COG3: variants seen among roughly 807,000 people sequenced by gnomAD.
The protein encoded by COG3 is component of oligomeric golgi complex 3, also known as conserved oligomeric Golgi complex subunit 3.
COG3 carries 32 observed loss-of-function variants against 114.1 expected under a neutral mutation model. The observed-to-expected ratio is 0.28, with a 90% CI of 0.21 to 0.38. COG3 has a LOEUF of 0.38. Ranked by LOEUF, COG3 falls within the 10% of genes least tolerant of loss-of-function variation. The pLI, the probability that COG3 is intolerant of heterozygous loss-of-function variation, is 1.00. For synonymous variants in COG3, 352 were observed against 365.7 expected, an observed-to-expected ratio of 0.96 and a Z score of 0.43; for missense variants, 813 against 973.2, an observed-to-expected ratio of 0.84 and a Z score of 2.19.
intron 14 of COG3, among the ~76,000 whole-genome samples, chr13:45,503,655 A>G (rs1869796528): frequency 1.3e-5 from 2 of 152,166 alleles, no homozygotes; most frequent in Non-Finnish European, 2.9e-5. Context: ...TATGAAGAGT[A>G]TGAGAGAGCC....
intron 19 of COG3, among the ~76,000 whole-genome samples, chr13:45,521,601 A>G (rs1421075700): frequency 2.5e-4 from 38 of 151,730 alleles, no homozygotes; most frequent in Non-Finnish European, 4.4e-5. Context: ...ACACACACAC[A>G]CGCAACCATT....
intron 8 of COG3, among the ~76,000 whole-genome samples, chr13:45,486,947 A>G (rs192402022): frequency 6.6e-6 from 1 of 152,344 alleles, no homozygotes; most frequent in African/African-American, 2.4e-5. Flanking sequence ...AGATCTTTAT[A>G]CTACAAAGAC....
intron 14 of COG3, among the ~76,000 whole-genome samples, chr13:45,509,164 C>T (rs1042769834): frequency 4.0e-5 from 6 of 151,898 alleles, no homozygotes; most frequent in African/African-American, 7.3e-5. Flanking sequence ...CTCAGCCTCT[C>T]GAGTAGCTGG....
In COG3 at chr13:45,535,562, TGAAG is replaced by T. The variant is rs746442297; in HGVS notation, c.*833_*836del. 6.6e-4 allele frequency: 646 copies of T among 985,546 alleles called. No individual in the cohort carries two copies. The highest frequency in any genetic ancestry group is 1.6e-3 in the Admixed American group (26 of 16,270). The allele number at this position is 985,546 out of a possible 1,614,324, so 61.1% of individuals were successfully genotyped here. A position where few individuals can be genotyped will look rare whatever the true frequency, so the allele number is the denominator to read the frequency against. ...CCTGAGGAGTAGTGTTCCTCCTGAA[TGAAG>T]GTTCAGGTCACCAGCCTTCTGTACA... is the stretch of plus-strand genomic sequence containing the variant. On this transcript the variant is annotated 3_prime_UTR_variant, in exon 23 of 23. Transcript: ENST00000349995.
chr13:45,495,173 A>C (rs1346212404), intron 12 of COG3, among the ~76,000 whole-genome samples: 4 of 124,302 alleles, frequency 3.2e-5, no homozygotes, highest in Non-Finnish European at 6.5e-5. Context: ...TTTTAAATAG[A>C]GATAGGGTCT....
chr13:45,533,421 T>G (rs1432472521), intron 22 of COG3, among the ~76,000 whole-genome samples: 1 of 152,100 alleles, frequency 6.6e-6, no homozygotes, highest in Non-Finnish European at 1.5e-5. Flanking sequence ...TTTGCTTCAT[T>G]TTTCTCATTT....
At position 45,486,562 on chromosome 13, in the gene COG3, C is replaced by T; in HGVS notation, c.911C>T (p.Ala304Val). Residue 304 changes from alanine (A) to valine (V), a missense_variant, in exon 8 of 23, where the codon GCC (alanine) becomes GTC (valine). Coordinates refer to ENST00000349995, the MANE Select transcript of COG3 (RefSeq NM_031431.4). The stretch of plus-strand genomic sequence containing the variant: ...TTTTATGTGAAATTTCGAGCTGCTG[C>T]CCCCAAAGTCAGAGTAAGTCTATTG... ...TLFYVKFRAAAPKVRTLIEQI... is the reference protein window; with the variant it reads ...TLFYVKFRAAVPKVRTLIEQI... The T allele has an allele frequency of 6.2e-7, 1 of 1,601,302 alleles. No homozygotes were observed. Among genetic ancestry groups the T allele is most frequent in the Non-Finnish European group, 8.6e-7 (1 of 1,168,416 alleles).
chr13:45,471,674 C>G (rs1220554312), intron 1 of COG3, among the ~76,000 whole-genome samples: 1 of 150,070 alleles, frequency 6.7e-6, no homozygotes, highest in Non-Finnish European at 1.5e-5. Flanking sequence ...GAAGAATGTC[C>G]TTTAACATTT....
intron 17 of COG3, 42 bp downstream of exon 17, chr13:45,516,305 C>G (rs779883015): frequency 4.6e-6 from 7 of 1,537,626 alleles, no homozygotes; most frequent in South Asian, 1.3e-5. Context: ...TGTGTTTGAT[C>G]TGTCCAGATG....
intron 1 of COG3, chr13:45,465,484 G>C: frequency 2.2e-6 from 1 of 459,544 alleles, no homozygotes. Flanking sequence ...AGCATGGGAC[G>C]GTTGGCCCGG....
chr13:45,522,754 C>T (rs74070443), intron 19 of COG3, among the ~76,000 whole-genome samples: 5,184 of 152,286 alleles, frequency 0.034, 281 homozygotes, highest in African/African-American at 0.11. Context: ...AGTAGAGGCT[C>T]ATATGAAAAC....
intron 20 of COG3, among the ~76,000 whole-genome samples, chr13:45,529,499 A>G (rs566163520): frequency 2.6e-5 from 4 of 152,108 alleles, no homozygotes; most frequent in South Asian, 2.1e-4. Context: ...CTTACCTCCA[A>G]ATTCCAAAGG....
intron 16 of COG3, 35 bp from the exon 17 acceptor site, chr13:45,516,108 T>A: frequency 1.4e-6 from 2 of 1,461,382 alleles, no homozygotes; most frequent in Non-Finnish European, 1.9e-6. Context: ...TGATTTAATA[T>A]GTGATCATAT....
At chr13:45,489,062 C>T (rs1418659921) in intron 8 of COG3, among the ~76,000 whole-genome samples, 2 of 151,244 alleles carry the variant, frequency 1.3e-5, no homozygotes, top group Admixed American at 6.6e-5. Context: ...GTGGTGTGCA[C>T]CTGTGGTCCG....
chr13:45,491,763 GT>G (rs1199245699), intron 10 of COG3, among the ~76,000 whole-genome samples: 6 of 151,960 alleles, frequency 3.9e-5, no homozygotes, highest in African/African-American at 1.4e-4. Context: ...AATAAATATT[GT>G]TCTTGAAAAA....
chr13:45,509,338 G>A (rs1304188582), intron 14 of COG3, among the ~76,000 whole-genome samples: 3 of 152,060 alleles, frequency 2.0e-5, no homozygotes, highest in South Asian at 2.1e-4. Context: ...GTGCCCAGAC[G>A]ATCTGCCTCC....
Position 45,516,420 on chromosome 13 carries a change from C to T in COG3, c.1930+157C>T, listed in dbSNP as rs148837616. Among the ~76,000 whole-genome samples, 44 of 152,308 alleles carry T rather than the reference C, an allele frequency of 2.9e-4. No homozygotes were observed. In the East Asian group the frequency reaches 6.0e-3, roughly 21 times the overall value. On this transcript the variant is annotated intron_variant, in intron 17 of 22. Transcript: ENST00000349995. ...CGTACTAAGCTGAGCTGTCACCATG[C>T]TAATGACTTCTAACTTGCTGTATTT...
intron 9 of COG3, among the ~76,000 whole-genome samples, 156 bp from the exon 10 acceptor site, chr13:45,491,256 T>G (rs1887001601): frequency 6.6e-6 from 1 of 152,242 alleles, no homozygotes; most frequent in South Asian, 2.1e-4. Flanking sequence ...GCTTTTGTTT[T>G]GTGTCTGTAT....
intron 16 of COG3, among the ~76,000 whole-genome samples, chr13:45,514,389 G>A (rs190051358): frequency 6.6e-6 from 1 of 152,168 alleles, no homozygotes; most frequent in African/African-American, 2.4e-5. Context: ...TTGAATGCCT[G>A]ACCTCAAGTG....
Sources: allele counts gnomAD v4.1 joint callset (sites outside exome capture counted in the v4.1 genomes callset), GRCh38; gene constraint gnomAD v4.1.1; transcripts MANE v1.5; gene names NCBI Gene and HGNC (gene_info 2026-07-23, HGNC 2026-07-21).